Variants in PPP2R2C observed in about 807,000 individuals in gnomAD.
PPP2R2C encodes the protein protein phosphatase 2 regulatory subunit Bgamma.
In PPP2R2C, 10 loss-of-function variants were observed where a neutral mutation model predicts 45.3. The observed-to-expected ratio is 0.22, with a 90% confidence interval of 0.14 to 0.37. The LOEUF (loss-of-function observed/expected upper bound fraction) is 0.37, where lower values mean the gene tolerates loss of function less well. Ranked by LOEUF, PPP2R2C falls within the 10% of genes least tolerant of loss-of-function variation. The pLI is 1.00. For synonymous variants in PPP2R2C, 257 were observed against 245.4 expected, an observed-to-expected ratio of 1.05 and a Z score of -0.44; for missense variants, 308 against 619.7, an observed-to-expected ratio of 0.50 and a Z score of 5.34.
chr4:6,451,907 C>T (rs926059935), intron 1 of PPP2R2C, among the ~76,000 whole-genome samples: 1 of 152,144 alleles, frequency 6.6e-6, no homozygotes, highest in African/African-American at 2.4e-5. Context: ...CCAAGAAGGG[C>T]CTGGCTATAG....
intron 1 of PPP2R2C, chr4:6,382,297 T>C (rs1715857876): frequency 7.8e-7 from 1 of 1,278,018 alleles, no homozygotes; most frequent in Admixed American, 2.3e-5. Flanking sequence ...GCCTGGATTC[T>C]GTAGTCTCCA....
chr4:6,478,271 C>A (rs1462061173), intron 2 of PPP2R2C, among the ~76,000 whole-genome samples: 1 of 152,248 alleles, frequency 6.6e-6, no homozygotes, highest in South Asian at 2.1e-4. Context: ...CCACACACAT[C>A]CTGCTTCTCG....
Position 6,551,220 on chromosome 4 carries a change from A to T in PPP2R2C, c.-59+12340T>A, listed in dbSNP as rs73209738. Among the ~76,000 whole-genome samples the T allele has an allele frequency of 2.0e-3, 305 of 152,354 alleles. 1 individual carries two copies. The highest frequency in any genetic ancestry group is 3.6e-3 in the Non-Finnish European group (243 of 68,038). On this transcript the variant is annotated intron_variant, in intron 1 of 9. Transcript: ENST00000506140. The stretch of plus-strand genomic sequence containing the variant: ...GGATTGGAGGCTACTTGGCCTCAGA[A>T]GGCACTTAGAAAGCCCCTGGCAAGT...
intron 1 of PPP2R2C, among the ~76,000 whole-genome samples, chr4:6,416,097 C>T (rs1200387954): frequency 2.0e-5 from 3 of 152,234 alleles, no homozygotes; most frequent in Admixed American, 6.5e-5. Flanking sequence ...TTAAACACAA[C>T]ATGTCTAAGA....
intron 1 of PPP2R2C, among the ~76,000 whole-genome samples, chr4:6,454,965 T>C (rs1331523090): frequency 6.6e-6 from 1 of 152,156 alleles, no homozygotes; most frequent in Non-Finnish European, 1.5e-5. Context: ...AGATAGGTGG[T>C]GCACCACACG....
chr4:6,505,546 TA>T (rs1258489481), intron 2 of PPP2R2C, among the ~76,000 whole-genome samples: 4 of 152,290 alleles, frequency 2.6e-5, no homozygotes, highest in African/African-American at 9.6e-5. Context: ...GGTGGAAAAT[TA>T]ATAAACTTTT....
At chr4:6,375,595 C>T (rs1301564915) in intron 4 of PPP2R2C, among the ~76,000 whole-genome samples, 1 of 152,226 alleles carries the variant, frequency 6.6e-6, no homozygotes, top group African/African-American at 2.4e-5. Flanking sequence ...CCATACACCA[C>T]CCCTGCATGC....
chr4:6,433,277 TA>T (rs964501669), intron 1 of PPP2R2C, among the ~76,000 whole-genome samples: 2 of 152,128 alleles, frequency 1.3e-5, no homozygotes, highest in Non-Finnish European at 2.9e-5. Flanking sequence ...GCTATTTACC[TA>T]GAAGGGGAAC....
intron 2 of PPP2R2C, among the ~76,000 whole-genome samples, chr4:6,528,127 C>T (rs1426615287): frequency 1.3e-5 from 2 of 152,230 alleles, no homozygotes; most frequent in Non-Finnish European, 2.9e-5. Context: ...GAAACTGGCC[C>T]GTGTTTTCAG....
chr4:6,347,126 T>G (rs7657246), intron 6 of PPP2R2C, among the ~76,000 whole-genome samples: 3,240 of 152,258 alleles, frequency 0.021, 106 homozygotes, highest in African/African-American at 0.074. Flanking sequence ...CACGATTGAA[T>G]TTGGGTGACC....
chr4:6,350,536 G>A lies in PPP2R2C; in HGVS notation c.626-2526C>T, dbSNP rs150025851. ...TGAGTCCCACAGGAGTTCTGTTTGC[G>A]TCATCAGGACACTCATTCTCGTTGT... On this transcript the variant is annotated intron_variant, in intron 5 of 8. Coordinates refer to ENST00000382599, the MANE Select transcript of PPP2R2C (RefSeq NM_020416.4). The A allele has an allele frequency of 2.8e-4, 278 of 985,408 alleles. No individual in the cohort carries two copies. In the African/African-American group the frequency reaches 4.3e-3, roughly 15 times the overall value. The allele number at this position is 985,408 out of a possible 1,614,324, so 61.0% of individuals were successfully genotyped here.
chr4:6,484,499 G>A (rs1191509160), intron 2 of PPP2R2C, among the ~76,000 whole-genome samples: 1 of 146,996 alleles, frequency 6.8e-6, no homozygotes, highest in Non-Finnish European at 1.5e-5. Flanking sequence ...TTTAGAATGA[G>A]TTTTTCAGTT....
intron 1 of PPP2R2C, among the ~76,000 whole-genome samples, chr4:6,421,286 G>A (rs1447406012): frequency 3.3e-5 from 5 of 152,208 alleles, no homozygotes; most frequent in Middle Eastern, 3.4e-3. Context: ...AAGGCCGTGC[G>A]GGTCAGCAGC....
chr4:6,524,767 T>C (rs1724141969), intron 2 of PPP2R2C, among the ~76,000 whole-genome samples: 1 of 152,178 alleles, frequency 6.6e-6, no homozygotes, highest in Admixed American at 6.5e-5. Context: ...TACAGAGGCA[T>C]CTTCAGGCTA....
At position 6,536,060 on chromosome 4, in the gene PPP2R2C, C is replaced by T. The variant is rs538738218; in HGVS notation, c.-58-683G>A. On this transcript the variant is annotated intron_variant, in intron 1 of 9. Transcript: ENST00000506140. ...AGCTTCTTTCCAGCTCCTTCCTTAG[C>T]ATCTGACCATCATCTTTTCCCCACC... is the stretch of plus-strand genomic sequence containing the variant. Among the ~76,000 whole-genome samples, 5 of 152,306 alleles carry T rather than the reference C, an allele frequency of 3.3e-5. No homozygotes were observed. In the South Asian group the frequency reaches 1.0e-3, roughly 32 times the overall value.
upstream of PPP2R2C, among the ~76,000 whole-genome samples, chr4:6,473,998 C>T (rs889797420): frequency 6.6e-6 from 1 of 152,230 alleles, no homozygotes; most frequent in Admixed American, 6.5e-5. Context: ...CTGTTCCAGC[C>T]TCTACCTTTT....
chr4:6,547,707 G>A (rs954162854), intron 1 of PPP2R2C, among the ~76,000 whole-genome samples: 9 of 152,152 alleles, frequency 5.9e-5, no homozygotes, highest in Admixed American at 2.0e-4. Flanking sequence ...GCCTGGGGCA[G>A]GTGCAAAGGG....
At chr4:6,367,356 C>T (rs986922867) in intron 5 of PPP2R2C, among the ~76,000 whole-genome samples, 1 of 152,120 alleles carries the variant, frequency 6.6e-6, no homozygotes, top group Non-Finnish European at 1.5e-5. Context: ...TGAACAGTGT[C>T]ATCGGGCCGA....
intron 2 of PPP2R2C, among the ~76,000 whole-genome samples, chr4:6,520,188 T>C (rs1723969691): frequency 6.6e-6 from 1 of 151,908 alleles, no homozygotes; most frequent in African/African-American, 2.4e-5. Flanking sequence ...CCTAAGAACC[T>C]CAAGAATGAC....
Sources: allele counts gnomAD v4.1 joint callset (sites outside exome capture counted in the v4.1 genomes callset), GRCh38; gene constraint gnomAD v4.1.1; transcripts MANE v1.5; gene names NCBI Gene and HGNC (gene_info 2026-07-23, HGNC 2026-07-21).